The following EEF2K variants were observed in gnomAD, a reference collection of about 807,000 sequenced individuals.
The protein encoded by EEF2K is eukaryotic elongation factor 2 kinase.
EEF2K carries 70 observed loss-of-function variants against 93.8 expected under a neutral mutation model. That is an observed-to-expected ratio of 0.75 (90% confidence interval 0.62 to 0.91). The LOEUF (loss-of-function observed/expected upper bound fraction) is 0.91, where lower values mean the gene tolerates loss of function less well. Ranked by LOEUF, EEF2K falls within the 40% of genes least tolerant of loss-of-function variation. The pLI, the probability that EEF2K is intolerant of heterozygous loss-of-function variation, is 0.00. For synonymous variants in EEF2K, 376 were observed against 380.8 expected (o/e 0.99, Z 0.15); for missense variants, 935 against 972.9 (o/e 0.96, Z 0.52).
intron 1 of EEF2K, among the ~76,000 whole-genome samples, chr16:22,217,701 C>T (rs1286788952): frequency 1.3e-5 from 2 of 152,164 alleles, no homozygotes; most frequent in African/African-American, 2.4e-5. Flanking sequence ...GATCCACCTG[C>T]CTTGGCCTTC....
At chr16:22,236,472 C>T (rs963804688) in intron 2 of EEF2K, among the ~76,000 whole-genome samples, 4 of 151,214 alleles carry the variant, frequency 2.6e-5, no homozygotes, top group African/African-American at 9.7e-5. Flanking sequence ...GGCAGGGTTT[C>T]GCAATGTTGC....
At position 22,265,168 on chromosome 16, in the gene EEF2K, C is replaced by T. The variant is rs543299555; in HGVS notation, c.1440+288C>T. On this transcript the variant is annotated intron_variant, in intron 13 of 17. Transcript: ENST00000263026. The stretch of plus-strand genomic sequence containing the variant: ...TTAAGTGCCTGCCATGAAGGCACTT[C>T]GCAGTAATCAGTTTCCTTCTTGCAA... 4.8e-5 allele frequency: 15 copies of T among 309,714 alleles called. No individual in the cohort carries two copies. In the South Asian group the frequency reaches 8.8e-4, roughly 18 times the overall value. The allele number at this position is 309,714 out of a possible 1,614,324, so 19.2% of individuals were successfully genotyped here. A position where few individuals can be genotyped will look rare whatever the true frequency, so the allele number is the denominator to read the frequency against.
At chr16:22,222,065 A>G (rs2047018252) in intron 1 of EEF2K, among the ~76,000 whole-genome samples, 1 of 152,188 alleles carries the variant, frequency 6.6e-6, no homozygotes, top group African/African-American at 2.4e-5. Context: ...GCAAGACTCT[A>G]TCTCAAAAAA....
At chr16:22,249,209 G>T (rs1405121467) in intron 4 of EEF2K, among the ~76,000 whole-genome samples, 2 of 149,922 alleles carry the variant, frequency 1.3e-5, no homozygotes, top group Non-Finnish European at 3.0e-5. Flanking sequence ...GGGCTCAAAT[G>T]ATCCTCCTGC....
intron 1 of EEF2K, 56 bp from the exon 2 acceptor site, chr16:22,225,598 C>T (rs1423584510): frequency 2.7e-5 from 38 of 1,404,980 alleles, no homozygotes; most frequent in South Asian, 1.4e-4. Flanking sequence ...GAGGGTCGGG[C>T]GAATTCGCAG....
At chr16:22,257,807 C>A (rs758490288) in intron 9 of EEF2K, 37 bp downstream of exon 9, 19 of 1,605,512 alleles carry the variant, frequency 1.2e-5, no homozygotes, top group Non-Finnish European at 1.4e-5. Flanking sequence ...GCCTGGCAGG[C>A]CCTTCTGCTA....
intron 11 of EEF2K, among the ~76,000 whole-genome samples, chr16:22,262,133 G>A (rs747760060): frequency 1.3e-5 from 2 of 152,162 alleles, no homozygotes; most frequent in Non-Finnish European, 2.9e-5. Flanking sequence ...TTCAATGTTG[G>A]TAGGTACATG....
At chr16:22,207,464 C>T (rs1291890540) in intron 1 of EEF2K, among the ~76,000 whole-genome samples, 1 of 152,210 alleles carries the variant, frequency 6.6e-6, no homozygotes, top group African/African-American at 2.4e-5. Flanking sequence ...TTTATGCTCT[C>T]TGGCCCTCGG....
chr16:22,231,712 C>A (rs1199041400), intron 2 of EEF2K, among the ~76,000 whole-genome samples: 1 of 151,874 alleles, frequency 6.6e-6, no homozygotes, highest in Non-Finnish European at 1.5e-5. Context: ...TCACTTCTGG[C>A]CGGGCACGGT....
intron 5 of EEF2K, 55 bp from the exon 6 acceptor site, chr16:22,251,096 G>A: frequency 6.4e-7 from 1 of 1,569,070 alleles, no homozygotes; most frequent in Non-Finnish European, 8.7e-7. Flanking sequence ...CCAGGGCTGT[G>A]TCCCTGGTGA....
In EEF2K at chr16:22,284,317, G is replaced by T. The variant is rs141771461; in HGVS notation, c.*321G>T. 0.038 allele frequency: 10,789 copies of T among 282,904 alleles called. 1,159 individuals are homozygous for T. The highest frequency in any genetic ancestry group is 0.22 in the African/African-American group (9,959 of 45,528). 17.5% of individuals were successfully genotyped at this position (282,904 alleles called of 1,614,324 possible). A position where few individuals can be genotyped will look rare whatever the true frequency, so the allele number is the denominator to read the frequency against. ...TTGTTTTGAGACAGAGTCTTGCTCT[G>T]TCACCCAGGCTGGAGTGCAGTGACA... On this transcript the variant is annotated 3_prime_UTR_variant, in exon 18 of 18. Coordinates refer to ENST00000263026, the MANE Select transcript of EEF2K (RefSeq NM_013302.5).
rs369592375 is a variant in EEF2K at position 22,263,095 on chromosome 16, G to A, written c.1300-15G>A. The A allele has an allele frequency of 6.8e-5, 110 of 1,608,722 alleles. No individual in the cohort carries two copies. Among genetic ancestry groups the A allele is most frequent in the Admixed American group, 1.9e-4 (11 of 59,066 alleles). On this transcript the variant is annotated splice_polypyrimidine_tract_variant and intron_variant, in intron 11 of 17. Transcript: ENST00000263026. ...AGGGGACCACCAGGACCCTAAGGCC[G>A]TCTTCTCTCCACAGGAGTCTGAGAA...
intron 4 of EEF2K, among the ~76,000 whole-genome samples, chr16:22,249,136 A>AT (rs1217285670): frequency 7.3e-5 from 11 of 151,586 alleles, no homozygotes; most frequent in Non-Finnish European, 4.4e-5. Context: ...CTCCTGGCTA[A>AT]TTTTTTTATT....
chr16:22,226,470 A>G (rs1283778767), intron 2 of EEF2K, among the ~76,000 whole-genome samples: 2 of 145,744 alleles, frequency 1.4e-5, no homozygotes, highest in African/African-American at 2.6e-5. Context: ...CCCCAAACTA[A>G]GGACCTTATT....
intron 1 of EEF2K, among the ~76,000 whole-genome samples, chr16:22,210,405 T>G (rs2046904021): frequency 6.6e-6 from 1 of 151,894 alleles, no homozygotes; most frequent in Non-Finnish European, 1.5e-5. Flanking sequence ...TTGCTTACAC[T>G]TTGATTGCTG....
At chr16:22,274,975 TC>T (rs2047620648) in intron 16 of EEF2K, among the ~76,000 whole-genome samples, 1 of 152,188 alleles carries the variant, frequency 6.6e-6, no homozygotes, top group Admixed American at 6.5e-5. Context: ...TTGCCCATGG[TC>T]AAATATTTAG....
At chr16:22,270,912 C>A (rs183735903) in intron 15 of EEF2K, among the ~76,000 whole-genome samples, 144 of 149,856 alleles carry the variant, frequency 9.6e-4, no homozygotes, top group African/African-American at 1.9e-3. Context: ...ATCTCTCTCT[C>A]TATATATATG....
At position 22,248,772 on chromosome 16, in the gene EEF2K, G is replaced by C. The variant is rs2047319896; in HGVS notation, c.365G>C (p.Gly122Ala). ...ATRHRYNAVT[G>A]EWLDDEVLIK... ...CTCTGCAGGTACAACGCCGTCACCG[G>C]GGAATGGCTGGATGATGAAGTTCTG... The change falls in exon 4 of 18, where the codon GGG becomes GCG. Residue 122 changes from glycine to alanine, a missense_variant. Gly to Ala is a moderately conservative substitution (Grantham distance 60, BLOSUM62 0). Transcript: ENST00000263026. The C allele has an allele frequency of 1.9e-6, 3 of 1,613,864 alleles. No homozygotes were observed. Among genetic ancestry groups the C allele is most frequent in the South Asian group, 1.1e-5 (1 of 91,076 alleles).
chr16:22,245,566 C>T (rs1250703090), intron 3 of EEF2K, among the ~76,000 whole-genome samples: 3 of 152,052 alleles, frequency 2.0e-5, no homozygotes, highest in African/African-American at 2.4e-5. Context: ...CTGAGAGGTG[C>T]GCTAAGGGAA....
Sources: gnomAD v4.1 joint callset for allele counts (sites outside exome capture counted in the v4.1 genomes callset) on GRCh38, gnomAD v4.1.1 for gene constraint, MANE v1.5 for transcripts, NCBI Gene and HGNC (gene_info 2026-07-23, HGNC 2026-07-21) for gene names.